ZFYVE9: variants seen among roughly 807,000 people sequenced by gnomAD.
ZFYVE9 encodes the protein zinc finger FYVE-type containing 9.
ZFYVE9 carries 43 observed loss-of-function variants against 126.7 expected under a neutral mutation model. The observed-to-expected ratio is 0.34, with a 90% CI of 0.27 to 0.44. The LOEUF is 0.44. ZFYVE9 is among the 20% of genes least tolerant of loss of function. The pLI, the probability that ZFYVE9 is intolerant of heterozygous loss-of-function variation, is 1.00. For synonymous variants in ZFYVE9, 521 were observed against 597.4 expected (o/e 0.87, Z 1.87); for missense variants, 1,476 against 1,697.0 (o/e 0.87, Z 2.29).
intron 1 of ZFYVE9, among the ~76,000 whole-genome samples, chr1:52,209,460 C>A (rs1269220846): frequency 6.6e-6 from 1 of 151,970 alleles, no homozygotes; most frequent in Non-Finnish European, 1.5e-5. Context: ...TTTTCATCAC[C>A]CCAAAAACTC....
chr1:52,162,640 A>G (rs1644473053), intron 1 of ZFYVE9: 1 of 275,364 alleles, frequency 3.6e-6, no homozygotes, highest in Admixed American at 3.9e-5. Flanking sequence ...TCTGTTGTGT[A>G]CAAACTAAGG....
intron 8 of ZFYVE9, among the ~76,000 whole-genome samples, chr1:52,275,622 G>A (rs566607252): frequency 1.3e-5 from 2 of 152,104 alleles, no homozygotes; most frequent in Admixed American, 6.5e-5. Context: ...GTTTTGATTT[G>A]CATTTCTCTG....
At chr1:52,188,693 T>C (rs1347581211) in intron 1 of ZFYVE9, among the ~76,000 whole-genome samples, 7 of 152,132 alleles carry the variant, frequency 4.6e-5, no homozygotes, top group Non-Finnish European at 2.9e-5. Flanking sequence ...TTGCATTGGT[T>C]TATATAGTAG....
At chr1:52,211,182 CAT>C (rs1388912755) in intron 1 of ZFYVE9, among the ~76,000 whole-genome samples, 1 of 152,126 alleles carries the variant, frequency 6.6e-6, no homozygotes, top group African/African-American at 2.4e-5. Flanking sequence ...TTGGAAGTTA[CAT>C]AGTTTCCCCT....
chr1:52,218,074 T>C (rs1293465080), intron 2 of ZFYVE9, among the ~76,000 whole-genome samples: 1 of 152,186 alleles, frequency 6.6e-6, no homozygotes, highest in Non-Finnish European at 1.5e-5. Context: ...TTTGAATTCA[T>C]TTGGTACCCT....
At chr1:52,180,645 T>C in intron 1 of ZFYVE9, 1 of 466,456 alleles carries the variant, frequency 2.1e-6, no homozygotes, top group South Asian at 2.3e-5. Context: ...TTTTTAGTTT[T>C]GTACAAATTA....
At chr1:52,169,857 T>A (rs565335868) in intron 1 of ZFYVE9, among the ~76,000 whole-genome samples, 1 of 152,226 alleles carries the variant, frequency 6.6e-6, no homozygotes, top group South Asian at 2.1e-4. Flanking sequence ...TATCCTCTTA[T>A]TTTCAACTTG....
intron 4 of ZFYVE9, among the ~76,000 whole-genome samples, chr1:52,250,812 G>T (rs1322384029): frequency 6.6e-6 from 1 of 151,234 alleles, no homozygotes; most frequent in Non-Finnish European, 1.5e-5. Context: ...TGGGCTCAAG[G>T]TATCCTCCCA....
At chr1:52,338,978 C>T (rs74758058) in intron 16 of ZFYVE9, among the ~76,000 whole-genome samples, 4,543 of 152,202 alleles carry the variant, frequency 0.03, 163 homozygotes, top group African/African-American at 0.086. Flanking sequence ...CCACTGCATT[C>T]CGGCCTGGAC....
chr1:52,311,710 T>A (rs565006047), intron 13 of ZFYVE9, among the ~76,000 whole-genome samples: 1 of 152,358 alleles, frequency 6.6e-6, no homozygotes, highest in Non-Finnish European at 1.5e-5. Context: ...ATACTATAAT[T>A]GTACATAAAT....
At position 52,239,201 on chromosome 1, in the gene ZFYVE9, T is replaced by C. The variant is rs1645308787; in HGVS notation, c.1784T>C (p.Leu595Ser). 1.9e-6 allele frequency: 3 copies of C among 1,614,106 alleles called. No individual in the cohort carries two copies. The highest frequency in any genetic ancestry group is 2.2e-5 in the East Asian group (1 of 44,882). The change falls in exon 4 of 19, where the codon TTA becomes TCA. Residue 595 changes from leucine (L) to serine (S), a missense_variant. By Grantham distance (145) the Leu-to-Ser change is moderately radical (BLOSUM62 -2). Around this residue, in one of 2 missense-constraint regions of ZFYVE9, gnomAD observed 807 missense variants for 794.6 expected, o/e 1.02. Coordinates refer to ENST00000287727, the MANE Select transcript of ZFYVE9 (RefSeq NM_004799.4). Reference sequence around the variant, plus strand: ...CTTAAACTTCAAATTCCAAAGCCATTATCAGACCATTTACAAAATGACTTT... The same window carrying C: ...CTTAAACTTCAAATTCCAAAGCCATCATCAGACCATTTACAAAATGACTTT... ...SNLKLQIPKP[L>S]SDHLQNDFPA...
chr1:52,339,024 TAG>T (rs1177896640), intron 16 of ZFYVE9, among the ~76,000 whole-genome samples: 1 of 151,830 alleles, frequency 6.6e-6, no homozygotes, highest in Non-Finnish European at 1.5e-5. Flanking sequence ...AAAAAAAAAA[TAG>T]AGATTCAAGA....
rs35437492 is a variant in ZFYVE9 at position 52,298,807 on chromosome 1, T to TG, written c.3333+2830_3333+2831insG. The stretch of plus-strand genomic sequence containing the variant: ...ATGGAATCAGTTTCCTTTGTCAATG[T>TG]TTTTTTTTTTTTTTTTTTTTGAGAC... On this transcript the variant is annotated intron_variant, in intron 12 of 18. Transcript: ENST00000287727. Among the ~76,000 whole-genome samples the TG allele has an allele frequency of 4.5e-3, 419 of 92,606 alleles. 1 individual carries two copies. The highest frequency in any genetic ancestry group is 0.042 in the African/African-American group (376 of 8,926). The allele number at this position is 92,606 out of a possible 152,430, so 60.8% of individuals were successfully genotyped here.
chr1:52,145,418 AAGTTCTT>A (rs1644297502), intron 1 of ZFYVE9, among the ~76,000 whole-genome samples: 1 of 152,180 alleles, frequency 6.6e-6, no homozygotes, highest in South Asian at 2.1e-4. Flanking sequence ...ATTTTAGCTT[AAGTTCTT>A]ATGTTCCTAA....
In ZFYVE9 at chr1:52,346,174, C is replaced by T; in HGVS notation, c.4231C>T (p.Pro1411Ser). The change falls in exon 19 of 19, where the codon CCC (proline) becomes TCC (serine). Residue 1411 changes from proline to serine, a missense_variant. Pro to Ser is a moderately conservative substitution (Grantham distance 74, BLOSUM62 -1). Around this residue, in one of 2 missense-constraint regions of ZFYVE9, gnomAD observed 669 missense variants for 902.4 expected, o/e 0.74. Transcript: ENST00000287727. ...HGGACQLSEG[P>S]VVMELIFYIL... ...AGGGGCCTGCCAGCTTAGTGAGGGC[C>T]CCGTTGTCATGGAACTCATCTTTTA... 6.2e-7 allele frequency: 1 copy of T among 1,611,514 alleles called. No individual in the cohort carries two copies. Among genetic ancestry groups the T allele is most frequent in the Non-Finnish European group, 8.5e-7 (1 of 1,178,402 alleles).
intron 2 of ZFYVE9, among the ~76,000 whole-genome samples, chr1:52,227,902 T>G (rs577830934): frequency 6.6e-6 from 1 of 152,316 alleles, no homozygotes; most frequent in South Asian, 2.1e-4. Flanking sequence ...TAATTCTTAT[T>G]CTTCCTGCTA....
intron 1 of ZFYVE9, among the ~76,000 whole-genome samples, chr1:52,179,492 G>A (rs1644675670): frequency 6.6e-6 from 1 of 152,150 alleles, no homozygotes; most frequent in African/African-American, 2.4e-5. Context: ...AAATTAGTTG[G>A]GCGTGGTGGC....
chr1:52,266,953 T>A, intron 6 of ZFYVE9, 122 bp downstream of exon 6: 1 of 897,828 alleles, frequency 1.1e-6, no homozygotes, highest in Non-Finnish European at 1.6e-6. Flanking sequence ...GGGTGGTTAT[T>A]AAAATGGAAC....
intron 1 of ZFYVE9, among the ~76,000 whole-genome samples, chr1:52,186,037 T>C (rs1644762189): frequency 6.6e-6 from 1 of 150,894 alleles, no homozygotes; most frequent in Non-Finnish European, 1.5e-5. Flanking sequence ...GGTCAGGAGT[T>C]CAAGACCAGC....
Sources: gnomAD v4.1 joint callset for allele counts (sites outside exome capture counted in the v4.1 genomes callset) on GRCh38, gnomAD v4.1.1 for gene constraint, gnomAD v4.1.1 regional missense constraint, MANE v1.5 for transcripts, NCBI Gene and HGNC (gene_info 2026-07-23, HGNC 2026-07-21) for gene names.